Variants in JADE3 observed in about 807,000 individuals in gnomAD.
The protein encoded by JADE3 is protein Jade-3.
Under a neutral mutation model 50.1 loss-of-function variants are expected in JADE3, and 2 were observed. The ratio of observed to expected loss-of-function variants is 0.04; its 90% CI spans 0.02 to 0.13. JADE3 has a LOEUF of 0.13. Ranked by LOEUF, JADE3 falls within the 10% of genes least tolerant of loss-of-function variation. JADE3 has a pLI of 1.00. For synonymous variants in JADE3, 218 were observed against 232.9 expected, an observed-to-expected ratio of 0.94 and a Z score of 0.58; for missense variants, 475 against 634.4, an observed-to-expected ratio of 0.75 and a Z score of 2.70.
At chrX:46,947,778 G>T (rs782522667) in intron 1 of JADE3, among the ~76,000 whole-genome samples, 8 of 111,538 alleles carry the variant, frequency 7.2e-5, no homozygotes, top group Admixed American at 1.9e-4. Flanking sequence ...GTACCGTGCC[G>T]TTTGGTCCAT....
intron 4 of JADE3, among the ~76,000 whole-genome samples, chrX:47,000,756 T>G (rs1342639739): frequency 9.0e-6 from 1 of 111,087 alleles, no homozygotes; most frequent in Non-Finnish European, 1.9e-5. Context: ...TTCACCATGT[T>G]GGCCAGGCTG....
chrX:47,056,028 T>C, intron 9 of JADE3, 54 bp from the exon 10 acceptor site: 1 of 766,305 alleles, frequency 1.3e-6, no homozygotes, highest in Non-Finnish European at 2.0e-6. Context: ...ATTTCAGTTG[T>C]CAGGTTTGCT....
chrX:47,033,216 A>G (rs1929059492), intron 6 of JADE3, among the ~76,000 whole-genome samples: 1 of 112,117 alleles, frequency 8.9e-6, no homozygotes, highest in Admixed American at 9.5e-5. Flanking sequence ...TTATTTTCTA[A>G]AACTTTTTTC....
At chrX:47,034,257 A>G (rs1019805667) in intron 7 of JADE3, among the ~76,000 whole-genome samples, 12 of 111,060 alleles carry the variant, frequency 1.1e-4, no homozygotes, top group African/African-American at 3.9e-4. Flanking sequence ...ATACCCTAAA[A>G]ATAGACATAA....
At chrX:47,015,170 G>C (rs781982486) in intron 4 of JADE3, among the ~76,000 whole-genome samples, 1 of 112,203 alleles carries the variant, frequency 8.9e-6, no homozygotes. Flanking sequence ...TATTATTTTG[G>C]GCTTGCTACT....
At chrX:46,982,695 CG>C (rs1413763503) in intron 1 of JADE3, among the ~76,000 whole-genome samples, 4 of 111,061 alleles carry the variant, frequency 3.6e-5, no homozygotes, top group African/African-American at 9.8e-5. Context: ...TGTTGCTCTT[CG>C]GGGGTACAAG....
intron 1 of JADE3, among the ~76,000 whole-genome samples, chrX:46,981,466 C>T (rs1243417708): frequency 2.7e-5 from 3 of 111,908 alleles, no homozygotes; most frequent in Non-Finnish European, 5.6e-5. Context: ...AAATTCCCCA[C>T]TACTACTTTT....
chrX:46,932,289 C>T (rs1384776437), intron 1 of JADE3, among the ~76,000 whole-genome samples: 1 of 111,717 alleles, frequency 9.0e-6, no homozygotes, highest in Non-Finnish European at 1.9e-5. Flanking sequence ...TGATTAGAGT[C>T]GAGACCTTTT....
intron 4 of JADE3, among the ~76,000 whole-genome samples, chrX:46,999,434 C>CAT (rs56687519): frequency 3.8e-3 from 250 of 65,907 alleles, no homozygotes; most frequent in Middle Eastern, 0.013. Context: ...ACATATATAA[C>CAT]ATATATATAT....
chrX:46,950,379 G>A lies in JADE3; in HGVS notation c.-11-34505G>A, dbSNP rs190470709. 1.8e-3 allele frequency among the ~76,000 whole-genome samples: 201 copies of A among 112,533 alleles called. 1 individual carries two copies. The highest frequency in any genetic ancestry group is 5.8e-3 in the African/African-American group (181 of 31,089). On this transcript the variant is annotated intron_variant, in intron 1 of 10. Transcript: ENST00000614628. ...ATGTGGACATTTCATATAAATAGAA[G>A]CGTATAACATATGGTCTTGTGTGTC... is the stretch of plus-strand genomic sequence containing the variant.
At position 47,059,368 on chromosome X, in the gene JADE3, C is replaced by A; in HGVS notation, c.*291C>A. 1 of 261,299 alleles carries A rather than the reference C, an allele frequency of 3.8e-6. No homozygotes were observed. Among genetic ancestry groups the A allele is most frequent in the Non-Finnish European group, 6.7e-6 (1 of 148,861 alleles). 21.5% of individuals were successfully genotyped at this position (261,299 alleles called of 1,213,427 possible). ...TTGGGGCAGCTTTCCGGTTATATAA[C>A]ACATTGACAAGTATATGTATTAAGA... is the stretch of plus-strand genomic sequence containing the variant. On this transcript the variant is annotated 3_prime_UTR_variant, in exon 11 of 11. Transcript: ENST00000614628.
At chrX:46,966,161 A>G (rs1927362180) in intron 1 of JADE3, among the ~76,000 whole-genome samples, 1 of 111,749 alleles carries the variant, frequency 8.9e-6, no homozygotes, top group African/African-American at 3.2e-5. Context: ...GAGTTCAGAG[A>G]TTTTTCTAGA....
chrX:46,999,399 A>T (rs1476599654), intron 4 of JADE3, among the ~76,000 whole-genome samples: 1 of 103,306 alleles, frequency 9.7e-6, no homozygotes, highest in Non-Finnish European at 1.9e-5. Context: ...GGGAAGTTTT[A>T]TATATATATA....
intron 1 of JADE3, among the ~76,000 whole-genome samples, chrX:46,935,820 C>A (rs1602375106): frequency 1.3e-5 from 1 of 75,735 alleles, no homozygotes; most frequent in African/African-American, 4.8e-5. Context: ...AACTTTAAGT[C>A]TTTCACTTTT....
At chrX:47,014,920 C>G (rs1019544859) in intron 4 of JADE3, among the ~76,000 whole-genome samples, 1 of 112,108 alleles carries the variant, frequency 8.9e-6, no homozygotes, top group South Asian at 3.6e-4. Flanking sequence ...CAAACCCTTG[C>G]AATAATTATT....
chrX:46,976,035 A>G (rs1309591115), intron 1 of JADE3, among the ~76,000 whole-genome samples: 3 of 110,252 alleles, frequency 2.7e-5, no homozygotes, highest in Non-Finnish European at 3.8e-5. Context: ...GCCTGTATTA[A>G]TTTTCAAGGA....
chrX:46,961,690 A>T (rs1927262915), intron 1 of JADE3, among the ~76,000 whole-genome samples: 1 of 111,577 alleles, frequency 9.0e-6, no homozygotes, highest in Non-Finnish European at 1.9e-5. Flanking sequence ...AAGATCTTAT[A>T]AAAAACCTTT....
chrX:46,917,864 T>TC (rs1569533779), intron 1 of JADE3, among the ~76,000 whole-genome samples: 34 of 89,493 alleles, frequency 3.8e-4, no homozygotes, highest in African/African-American at 7.3e-4. Flanking sequence ...TCATCCTCTC[T>TC]CTCTCTCTCT....
chrX:46,959,693 T>TGA (rs1410690434), intron 1 of JADE3, among the ~76,000 whole-genome samples: 2 of 108,867 alleles, frequency 1.8e-5, no homozygotes, highest in African/African-American at 6.7e-5. Flanking sequence ...TAGGATAGGG[T>TGA]GATGATGAGC....
Sources: allele counts gnomAD v4.1 joint callset (sites outside exome capture counted in the v4.1 genomes callset), GRCh38; gene constraint gnomAD v4.1.1; transcripts MANE v1.5; gene names NCBI Gene and HGNC (gene_info 2026-07-23, HGNC 2026-07-21).